Variants in KCNMB2 observed in about 807,000 individuals in gnomAD.
KCNMB2 encodes the protein calcium-activated potassium channel subunit beta-2.
KCNMB2 carries 9 observed loss-of-function variants against 24.5 expected under a neutral mutation model. That is an observed-to-expected ratio of 0.37 (90% CI 0.22 to 0.64). The LOEUF (loss-of-function observed/expected upper bound fraction) is 0.64. Among genes scored for constraint, KCNMB2 ranks in the 30% least tolerant of loss-of-function variants. The pLI, the probability that KCNMB2 is intolerant of heterozygous loss-of-function variation, is 0.63. For missense variants in KCNMB2, 226 were observed against 284.3 expected (o/e 0.79, Z 1.47); for synonymous variants, 109 against 104.4 (o/e 1.04, Z -0.27).
chr3:178,688,446 A>G (rs1225121907), intron 1 of KCNMB2, among the ~76,000 whole-genome samples: 3 of 152,184 alleles, frequency 2.0e-5, no homozygotes, highest in Non-Finnish European at 4.4e-5. Flanking sequence ...AACAAGTATA[A>G]TGATGAATTT....
intron 1 of KCNMB2, among the ~76,000 whole-genome samples, chr3:178,781,344 C>T (rs1349334225): frequency 6.6e-6 from 1 of 151,980 alleles, no homozygotes; most frequent in Non-Finnish European, 1.5e-5. Context: ...GTAATCCCAG[C>T]ACTTTGGGAG....
chr3:178,614,366 A>T (rs1350876090), intron 1 of KCNMB2, among the ~76,000 whole-genome samples: 4 of 132,022 alleles, frequency 3.0e-5, no homozygotes, highest in Non-Finnish European at 6.6e-5. Flanking sequence ...TATGAGATTT[A>T]ATGGACTCAC....
chr3:178,683,235 A>G (rs542057179), intron 1 of KCNMB2, among the ~76,000 whole-genome samples: 3 of 152,008 alleles, frequency 2.0e-5, no homozygotes, highest in Non-Finnish European at 4.4e-5. Context: ...AAAACCAAAT[A>G]CCGCATGTTC....
intron 1 of KCNMB2, among the ~76,000 whole-genome samples, chr3:178,663,174 G>C (rs998478565): frequency 1.3e-5 from 2 of 152,038 alleles, no homozygotes; most frequent in African/African-American, 2.4e-5. Flanking sequence ...TCCCAGGAAG[G>C]AGTAAGAAAG....
chr3:178,775,479 AT>A, intron 1 of KCNMB2, among the ~76,000 whole-genome samples: 1 of 152,352 alleles, frequency 6.6e-6, no homozygotes, highest in African/African-American at 2.4e-5. Context: ...ATAAAATCGA[AT>A]TTTAACTATC....
At chr3:178,717,983 C>T (rs142677127) in intron 1 of KCNMB2, among the ~76,000 whole-genome samples, 45 of 152,190 alleles carry the variant, frequency 3.0e-4, no homozygotes, top group African/African-American at 9.4e-4. Context: ...TAGAGACTTA[C>T]TTATTTTGTT....
At chr3:178,695,277 C>G (rs565915878) in intron 1 of KCNMB2, among the ~76,000 whole-genome samples, 1 of 151,618 alleles carries the variant, frequency 6.6e-6, no homozygotes, top group Non-Finnish European at 1.5e-5. Flanking sequence ...CTCAGGAAAC[C>G]TTTTTTCCCT....
intron 1 of KCNMB2, among the ~76,000 whole-genome samples, chr3:178,670,515 G>A (rs1315461115): frequency 2.0e-5 from 3 of 152,168 alleles, no homozygotes; most frequent in Non-Finnish European, 2.9e-5. Flanking sequence ...TGTTAAGCAA[G>A]TTAAAAATTA....
Position 178,807,442 on chromosome 3 carries a change from A to G in KCNMB2, c.33A>G (p.Ser11=). 1 of 1,613,924 alleles carries G rather than the reference A, an allele frequency of 6.2e-7. No homozygotes were observed. Residue 11 remains serine (S), a synonymous_variant, in exon 2 of 5, where the codon TCA becomes TCG. Transcript: ENST00000452583. MFIWTSGRTS[S]SYRHDEKRNI... is the part of the protein sequence containing the mutation. ...TATGGACCAGTGGCCGGACCTCTTC[A>G]TCTTATAGACATGATGAAAAAAGGT...
chr3:178,830,801 T>C (rs1715025023), intron 4 of KCNMB2, among the ~76,000 whole-genome samples: 1 of 152,196 alleles, frequency 6.6e-6, no homozygotes, highest in Admixed American at 6.5e-5. Flanking sequence ...TTACATTCAA[T>C]ATAGGAATCA....
At position 178,650,192 on chromosome 3, in the gene KCNMB2, A is replaced by G. The variant is rs370985563; in HGVS notation, c.-68+113481A>G. ...TAATCCTGAGTTCTAATTTGATTGC[A>G]CTGTGGTCTGAGAGACTGTTTGTTA... On this transcript the variant is annotated intron_variant, in intron 1 of 4. Coordinates refer to ENST00000452583, the MANE Select transcript of KCNMB2 (RefSeq NM_181361.3). Among the ~76,000 whole-genome samples, 16 of 152,240 alleles carry G rather than the reference A, an allele frequency of 1.1e-4. No individual in the cohort carries two copies. The East Asian group carries it at 2.3e-3, about 22-fold the overall frequency.
In KCNMB2 at chr3:178,609,755, C is replaced by T. The variant is rs1309837832; in HGVS notation, c.-68+73044C>T. Among the ~76,000 whole-genome samples, 5 of 151,908 alleles carry T rather than the reference C, an allele frequency of 3.3e-5. No homozygotes were observed. The South Asian group carries it at 1.0e-3, about 32-fold the overall frequency. ...AGGCTCAAGCAGTCCTCCCACCTCA[C>T]CCCCATGAGTATCTGGGACTACAGG... On this transcript the variant is annotated intron_variant, in intron 1 of 4. Transcript: ENST00000452583.
chr3:178,587,953 C>T lies in KCNMB2; in HGVS notation c.-68+51242C>T, dbSNP rs542871526. Among the ~76,000 whole-genome samples the T allele has an allele frequency of 6.9e-5, 10 of 145,896 alleles. No individual in the cohort carries two copies. The East Asian group carries it at 1.0e-3, about 15-fold the overall frequency. ...CCCTTCCTGTGTCCATGTGTTCTCACTGTTCAATTCCCACCTATGAGTGAG... is the reference window on the plus strand; with the variant it reads ...CCCTTCCTGTGTCCATGTGTTCTCATTGTTCAATTCCCACCTATGAGTGAG... On this transcript the variant is annotated intron_variant, in intron 1 of 4. Transcript: ENST00000452583.
At chr3:178,576,341 A>C (rs184061975) in intron 1 of KCNMB2, among the ~76,000 whole-genome samples, 3 of 152,298 alleles carry the variant, frequency 2.0e-5, no homozygotes, top group Admixed American at 6.5e-5. Flanking sequence ...TGGTCTTTGC[A>C]ACCTGCAGAC....
chr3:178,576,867 C>A (rs958879626), intron 1 of KCNMB2, among the ~76,000 whole-genome samples: 2 of 152,214 alleles, frequency 1.3e-5, no homozygotes, highest in Admixed American at 1.3e-4. Flanking sequence ...CTAAAACTCC[C>A]GTTTCCCTGG....
intron 1 of KCNMB2, among the ~76,000 whole-genome samples, chr3:178,688,285 G>A (rs1430083385): frequency 6.6e-6 from 1 of 152,096 alleles, no homozygotes; most frequent in Admixed American, 6.6e-5. Context: ...AGTGATAGCA[G>A]TTGTAGCCTG....
chr3:178,650,891 G>T (rs1466228881), intron 1 of KCNMB2, among the ~76,000 whole-genome samples: 4 of 152,072 alleles, frequency 2.6e-5, no homozygotes, highest in East Asian at 1.9e-4. Context: ...AATAAACTAG[G>T]TATTGATGGA....
At position 178,538,700 on chromosome 3, in the gene KCNMB2, G is replaced by A. The variant is rs150196745; in HGVS notation, c.-68+1989G>A. ...ATTTTCACAGATTGATGAGGAAAAA[G>A]TTTCCGTATTCTTGATGATATATGT... On this transcript the variant is annotated intron_variant, in intron 1 of 4. Coordinates refer to ENST00000452583, the MANE Select transcript of KCNMB2 (RefSeq NM_181361.3). 2.8e-3 allele frequency among the ~76,000 whole-genome samples: 429 copies of A among 152,234 alleles called. 4 individuals carry two copies. The highest frequency in any genetic ancestry group is 0.028 in the South Asian group (135 of 4,822).
chr3:178,732,388 C>T (rs1389076820), intron 1 of KCNMB2, among the ~76,000 whole-genome samples: 1 of 152,102 alleles, frequency 6.6e-6, no homozygotes, highest in Non-Finnish European at 1.5e-5. Context: ...CATACATGTG[C>T]AGAGAGGCAA....
Sources: allele counts gnomAD v4.1 joint callset (sites outside exome capture counted in the v4.1 genomes callset), GRCh38; gene constraint gnomAD v4.1.1; transcripts MANE v1.5; gene names NCBI Gene and HGNC (gene_info 2026-07-23, HGNC 2026-07-21).